The following BBS4 variants were observed in gnomAD, a reference collection of about 807,000 sequenced individuals.
BBS4 encodes BBSome complex member BBS4.
In BBS4, 58 loss-of-function variants were observed where a neutral mutation model predicts 71.4. The observed-to-expected ratio is 0.81, with a 90% CI of 0.66 to 1.01. BBS4 has a LOEUF of 1.01. Among genes scored for constraint, BBS4 ranks in the 50% least tolerant of loss-of-function variants. The pLI is 0.00. For missense variants in BBS4, 660 were observed against 607.9 expected, an observed-to-expected ratio of 1.09 and a Z score of -0.90; for synonymous variants, 228 against 216.8, an observed-to-expected ratio of 1.05 and a Z score of -0.46.
chr15:72,694,438 G>A (rs1217436322), intron 1 of BBS4, among the ~76,000 whole-genome samples: 1 of 152,104 alleles, frequency 6.6e-6, no homozygotes, highest in Admixed American at 6.6e-5. Context: ...TGATCCTCTC[G>A]CCTTGGCCTC....
At chr15:72,735,383 T>C (rs2065902584) in intron 13 of BBS4, 2 of 616,998 alleles carry the variant, frequency 3.2e-6, no homozygotes, top group Non-Finnish European at 6.0e-6. Context: ...AGAAAATGTT[T>C]CCAGTCCTAA....
chr15:72,709,892 C>A, intron 3 of BBS4, 113 bp downstream of exon 3: 1 of 892,440 alleles, frequency 1.1e-6, no homozygotes, highest in African/African-American at 1.6e-5. Flanking sequence ...ACATGAATTC[C>A]TTCTTCCCCA....
intron 13 of BBS4, 153 bp downstream of exon 13, chr15:72,735,335 C>G (rs1346513427): frequency 1.5e-6 from 1 of 687,228 alleles, no homozygotes; most frequent in South Asian, 1.5e-5. Flanking sequence ...GGATGTGTCT[C>G]CTAAGTATGT....
chr15:72,723,133 G>C (rs2065606694), intron 7 of BBS4, among the ~76,000 whole-genome samples: 1 of 152,088 alleles, frequency 6.6e-6, no homozygotes, highest in African/African-American at 2.4e-5. Flanking sequence ...TTTAGAAACA[G>C]ATGCTTAATA....
Position 72,724,652 on chromosome 15 carries a change from T to C in BBS4, c.584T>C (p.Val195Ala). The C allele has an allele frequency of 6.2e-7, 1 of 1,613,928 alleles. No individual in the cohort carries two copies. The highest frequency in any genetic ancestry group is 8.5e-7 in the Non-Finnish European group (1 of 1,179,872). Residue 195 changes from valine to alanine, a missense_variant, in exon 8 of 16, where the codon GTG becomes GCG. Transcript: ENST00000268057. The stretch of plus-strand genomic sequence containing the variant: ...GCCATTGAAGTCTACAAGAAAGCAG[T>C]GGAGTAAGTGTATCTGTTTCCTTTA... The part of the protein sequence containing the change: ...DKAIEVYKKA[V>A]EFSPENTELL...
chr15:72,735,958 G>T lies in BBS4; in HGVS notation c.1240G>T (p.Asp414Tyr). ...LLKDNSSLEF[D>Y]SEMVEMAQKL... ...CAAGGACAATAGCTCTCTGGAATTTGACTCTGAGGTATGTCTTTTATTAGC... is the reference window on the plus strand; with the variant it reads ...CAAGGACAATAGCTCTCTGGAATTTTACTCTGAGGTATGTCTTTTATTAGC... The change falls in exon 14 of 16, where the codon GAC becomes TAC. Residue 414 changes from aspartate (D) to tyrosine (Y), a missense_variant. Asp to Tyr is a radical substitution (Grantham distance 160). Coordinates refer to ENST00000268057, the MANE Select transcript of BBS4 (RefSeq NM_033028.5). 6.2e-7 allele frequency: 1 copy of T among 1,614,066 alleles called. No homozygotes were observed. The highest frequency in any genetic ancestry group is 1.1e-5 in the South Asian group (1 of 91,038).
At position 72,735,197 on chromosome 15, in the gene BBS4, G is replaced by A; in HGVS notation, c.1106+15G>A. 4 of 1,607,826 alleles carry A rather than the reference G, an allele frequency of 2.5e-6. No individual in the cohort carries two copies. The highest frequency in any genetic ancestry group is 3.4e-6 in the Non-Finnish European group (4 of 1,174,656). On this transcript the variant is annotated intron_variant, in intron 13 of 15. Coordinates refer to ENST00000268057, the MANE Select transcript of BBS4 (RefSeq NM_033028.5). ...CACCTGGATAAGTATGCACTTTGTTGAGAATGGTACTGGCGGGGGTTGGAC... is the reference window on the plus strand; with the variant it reads ...CACCTGGATAAGTATGCACTTTGTTAAGAATGGTACTGGCGGGGGTTGGAC...
chr15:72,693,620 C>G (rs760538242), intron 1 of BBS4, among the ~76,000 whole-genome samples: 1 of 152,138 alleles, frequency 6.6e-6, no homozygotes, highest in African/African-American at 2.4e-5. Flanking sequence ...TGAAATTTGA[C>G]TCAATTTTCA....
chr15:72,686,660 T>C (rs949351427), intron 1 of BBS4: 25 of 972,030 alleles, frequency 2.6e-5, no homozygotes, highest in Non-Finnish European at 3.4e-5. Context: ...CTTCTGCCAG[T>C]GGAGCGGGAC....
chr15:72,686,259 C>T lies in BBS4; in HGVS notation c.24+8C>T, dbSNP rs200055760. ...GAGGAGAGAGTCGCGACGGTGAGCG[C>T]CGAGATTCTCTTTAGTTGCCCGGCC... On this transcript the variant is annotated splice_region_variant and intron_variant, in intron 1 of 15. Transcript: ENST00000268057. 626 of 1,564,736 alleles carry T rather than the reference C, an allele frequency of 4.0e-4. 7 individuals carry two copies. The East Asian group carries it at 0.013, about 33-fold the overall frequency.
chr15:72,735,982 G>C lies in BBS4; in HGVS notation c.1248+16G>C. ...TGACTCTGAGGTATGTCTTTTATTA[G>C]CTCCCAAGAGTCATAAGTAAGCTCT... On this transcript the variant is annotated intron_variant, in intron 14 of 15. Coordinates refer to ENST00000268057, the MANE Select transcript of BBS4 (RefSeq NM_033028.5). 6.2e-7 allele frequency: 1 copy of C among 1,613,914 alleles called. No individual in the cohort carries two copies. The highest frequency in any genetic ancestry group is 1.1e-5 in the South Asian group (1 of 91,054).
chr15:72,737,189 ACACTGGTCTTTC>A (rs2065943173), intron 15 of BBS4: 2 of 626,608 alleles, frequency 3.2e-6, no homozygotes, highest in South Asian at 3.9e-5. Context: ...GATGGTCTAT[ACACTGGTCTTTC>A]CAATTTTAGC....
intron 2 of BBS4, 133 bp downstream of exon 2, chr15:72,695,361 C>A: frequency 1.7e-6 from 1 of 580,074 alleles, no homozygotes; most frequent in Non-Finnish European, 3.0e-6. Flanking sequence ...AATCTTGGCT[C>A]ACTGCAACCT....
chr15:72,692,395 A>G (rs2065001655), intron 1 of BBS4, among the ~76,000 whole-genome samples: 1 of 141,776 alleles, frequency 7.1e-6, no homozygotes, highest in Non-Finnish European at 1.5e-5. Context: ...GGCTCACTGC[A>G]ACCTCTGCCT....
Position 72,738,450 on chromosome 15 carries a change from A to G in BBS4, c.*863A>G. 1 of 367,730 alleles carries G rather than the reference A, an allele frequency of 2.7e-6. No homozygotes were observed. The highest frequency in any genetic ancestry group is 5.3e-6 in the Non-Finnish European group (1 of 190,204). The allele number at this position is 367,730 out of a possible 1,614,324, so 22.8% of individuals were successfully genotyped here. ...TATTCAGGTATAAAAACAAGAGATCATAATAAAAACCTAAAAGAACCTATG... is the reference window on the plus strand; with the variant it reads ...TATTCAGGTATAAAAACAAGAGATCGTAATAAAAACCTAAAAGAACCTATG... On this transcript the variant is annotated 3_prime_UTR_variant, in exon 16 of 16. Transcript: ENST00000268057.
chr15:72,728,126 C>T (rs1011655373), intron 9 of BBS4, 132 bp downstream of exon 9: 2 of 677,714 alleles, frequency 3.0e-6, no homozygotes, highest in African/African-American at 3.6e-5. Flanking sequence ...TACACTCTCT[C>T]TATTCGATAC....
At chr15:72,736,100 G>A in intron 14 of BBS4, 134 bp downstream of exon 14, 1 of 996,858 alleles carries the variant, frequency 1.0e-6, no homozygotes, top group Non-Finnish European at 1.5e-6. Flanking sequence ...AGCAGCATGA[G>A]TTCATCAATT....
chr15:72,686,361 C>G, intron 1 of BBS4, 110 bp downstream of exon 1: 1 of 1,541,028 alleles, frequency 6.5e-7, no homozygotes, highest in Non-Finnish European at 8.7e-7. Context: ...GGGTGCCGAG[C>G]GTCTCAGGGT....
In BBS4 at chr15:72,709,570, T is replaced by C. The variant is rs907822186; in HGVS notation, c.77-130T>C. On this transcript the variant is annotated intron_variant, in intron 2 of 15. Transcript: ENST00000268057. The stretch of plus-strand genomic sequence containing the variant: ...ATTTTTGATGCACTATAATATATTA[T>C]TGTAGTCAGTAGCATCAAAATTTTA... 1.2e-5 allele frequency: 9 copies of C among 733,300 alleles called. No homozygotes were observed. The South Asian group carries it at 1.3e-4, about 11-fold the overall frequency. 45.4% of individuals were successfully genotyped at this position (733,300 alleles called of 1,614,324 possible). A position where few individuals can be genotyped will look rare whatever the true frequency, so the allele number is the denominator to read the frequency against.
Sources: allele counts gnomAD v4.1 joint callset (sites outside exome capture counted in the v4.1 genomes callset), GRCh38; gene constraint gnomAD v4.1.1; transcripts MANE v1.5; gene names NCBI Gene and HGNC (gene_info 2026-07-23, HGNC 2026-07-21).